The following HAPSTR1 variants were observed in gnomAD, a reference collection of about 807,000 sequenced individuals.
The protein encoded by HAPSTR1 is HUWE1-associated protein modifying stress responses 1.
At chr16:9,094,706 A>G in the HAPSTR1 span, among the ~76,000 whole-genome samples, 1 of 152,174 alleles carries the variant, frequency 6.6e-6, no homozygotes, top group East Asian at 1.9e-4. Context: ...TTGATTGGCT[A>G]GTATTACTCT....
chr16:9,121,206 G>T, the HAPSTR1 span: 5 of 152,230 alleles, frequency 3.3e-5, no homozygotes, highest in African/African-American at 1.2e-4. Flanking sequence ...TGCCCGCCTT[G>T]GCCTCCCCAA....
chr16:9,103,165 G>A, the HAPSTR1 span: 3 of 1,614,186 alleles, frequency 1.9e-6, no homozygotes, highest in Admixed American at 5.0e-5. Flanking sequence ...CCCCAAGACT[G>A]ACTGTAGTGT....
At chr16:9,093,264 G>A in the HAPSTR1 span, among the ~76,000 whole-genome samples, 1 of 152,258 alleles carries the variant, frequency 6.6e-6, no homozygotes, top group South Asian at 2.1e-4. Flanking sequence ...GGCACCCAGT[G>A]TATAGAGGCT....
the HAPSTR1 span, chr16:9,116,528 A>C: frequency 5.4e-6 from 6 of 1,107,858 alleles, no homozygotes; most frequent in Non-Finnish European, 7.7e-6. Flanking sequence ...CCAGAATAAA[A>C]CTTAATTGCT....
chr16:9,121,407 A>G, the HAPSTR1 span: 9 of 152,224 alleles, frequency 5.9e-5, no homozygotes. Flanking sequence ...GTTCCCTTAC[A>G]TCGTAGCCAG....
chr16:9,114,099 T>G, the HAPSTR1 span, among the ~76,000 whole-genome samples: 2 of 152,204 alleles, frequency 1.3e-5, no homozygotes, highest in Admixed American at 1.3e-4. Flanking sequence ...GAAAGATAGC[T>G]CAAGATTTTT....
the HAPSTR1 span, among the ~76,000 whole-genome samples, chr16:9,095,048 A>C: frequency 6.6e-6 from 1 of 152,250 alleles, no homozygotes; most frequent in Non-Finnish European, 1.5e-5. Context: ...GAGGAACATT[A>C]ATTTTATTTT....
the HAPSTR1 span, chr16:9,104,820 C>T: frequency 6.6e-6 from 1 of 152,156 alleles, no homozygotes; most frequent in African/African-American, 2.4e-5. Context: ...AAACAATTAA[C>T]TAGAGGTGTA....
chr16:9,092,726 C>T, the HAPSTR1 span, among the ~76,000 whole-genome samples: 1 of 152,136 alleles, frequency 6.6e-6, no homozygotes, highest in African/African-American at 2.4e-5. Context: ...CCCCTTTTCC[C>T]CGCCGCGACC....
the HAPSTR1 span, among the ~76,000 whole-genome samples, chr16:9,093,999 A>G: frequency 6.6e-6 from 1 of 152,138 alleles, no homozygotes; most frequent in African/African-American, 2.4e-5. Context: ...TTTGCCATAT[A>G]TATTTAGGCC....
chr16:9,108,159 C>T, the HAPSTR1 span: 2 of 152,080 alleles, frequency 1.3e-5, no homozygotes, highest in Non-Finnish European at 2.9e-5. Context: ...TTTGTAAAAG[C>T]ATCACACTAA....
At chr16:9,094,217 C>G in the HAPSTR1 span, among the ~76,000 whole-genome samples, 3 of 152,060 alleles carry the variant, frequency 2.0e-5, no homozygotes, top group African/African-American at 7.2e-5. Flanking sequence ...GAATGAGGAA[C>G]TGTAATAATA....
At chr16:9,109,882 C>T in the HAPSTR1 span, 1 of 152,118 alleles carries the variant, frequency 6.6e-6, no homozygotes, top group African/African-American at 2.4e-5. Context: ...GAAAACTCTG[C>T]TTCCTTTGTG....
At chr16:9,094,889 C>T in the HAPSTR1 span, among the ~76,000 whole-genome samples, 2 of 152,180 alleles carry the variant, frequency 1.3e-5, no homozygotes, top group Non-Finnish European at 2.9e-5. Context: ...GAATGTGTCC[C>T]TTTAGGACTA....
chr16:9,114,378 G>T, the HAPSTR1 span, among the ~76,000 whole-genome samples: 1 of 152,158 alleles, frequency 6.6e-6, no homozygotes, highest in Non-Finnish European at 1.5e-5. Flanking sequence ...ATTTCAAGGA[G>T]GGGGAAAGAG....
the HAPSTR1 span, among the ~76,000 whole-genome samples, chr16:9,096,359 G>T: frequency 6.6e-6 from 1 of 151,826 alleles, no homozygotes; most frequent in Non-Finnish European, 1.5e-5. Flanking sequence ...TTTTTTTTGT[G>T]TTGAAATAAA....
At chr16:9,104,278 A>G in the HAPSTR1 span, 6,502 of 152,018 alleles carry the variant, frequency 0.043, 465 homozygotes, top group African/African-American at 0.15. Flanking sequence ...CACGCCGGCT[A>G]ATTTTTTAGA....
At chr16:9,108,015 C>A in the HAPSTR1 span, 1 of 152,096 alleles carries the variant, frequency 6.6e-6, no homozygotes, top group Non-Finnish European at 1.5e-5. Context: ...GATTACAATC[C>A]CCAGATAGCT....
chr16:9,120,570 T>A, the HAPSTR1 span: 2 of 152,018 alleles, frequency 1.3e-5, no homozygotes, highest in Non-Finnish European at 2.9e-5. Context: ...ATTTTTTTTT[T>A]ATTTAGTGCT....
Sources: allele counts gnomAD v4.1 joint callset (sites outside exome capture counted in the v4.1 genomes callset), GRCh38; gene constraint gnomAD v4.1.1; transcripts MANE v1.5; gene names NCBI Gene and HGNC (gene_info 2026-07-23, HGNC 2026-07-21).